TAF4B: variants seen among roughly 807,000 people sequenced by gnomAD.
TAF4B encodes TATA-box binding protein associated factor 4b.
Under a neutral mutation model 86.4 loss-of-function variants are expected in TAF4B, and 38 were observed. That is an observed-to-expected ratio of 0.44 (90% CI 0.34 to 0.58). TAF4B has a LOEUF of 0.58. TAF4B is among the 20% of genes least tolerant of loss of function. The pLI is 0.02. For synonymous variants in TAF4B, 388 were observed against 391.2 expected (o/e 0.99, Z 0.10); for missense variants, 988 against 1,027.6 (o/e 0.96, Z 0.53).
chr18:26,267,744 T>C lies in TAF4B; in HGVS notation c.597+121T>C. On this transcript the variant is annotated intron_variant, in intron 3 of 14. Coordinates refer to ENST00000269142, the MANE Select transcript of TAF4B (RefSeq NM_005640.3). ...CATTGAAGATAGCAATTCAGTAATATATGATGGCACTTATCAAACTGGGAA... is the reference window on the plus strand; with the variant it reads ...CATTGAAGATAGCAATTCAGTAATACATGATGGCACTTATCAAACTGGGAA... 9.0e-6 allele frequency: 6 copies of C among 668,434 alleles called. No individual in the cohort carries two copies. The South Asian group carries it at 1.1e-4, about 13-fold the overall frequency. 41.4% of individuals were successfully genotyped at this position (668,434 alleles called of 1,614,324 possible).
intron 14 of TAF4B, among the ~76,000 whole-genome samples, chr18:26,387,171 T>G (rs934114135): frequency 3.3e-5 from 5 of 152,162 alleles, no homozygotes; most frequent in African/African-American, 1.2e-4. Context: ...GTTCAAGCAG[T>G]TCTTCCACCT....
chr18:26,319,355 G>T (rs1203494487), intron 10 of TAF4B, among the ~76,000 whole-genome samples: 2 of 151,350 alleles, frequency 1.3e-5, no homozygotes. Flanking sequence ...AATCAGCCAG[G>T]TGTGGTGGCG....
intron 1 of TAF4B, among the ~76,000 whole-genome samples, chr18:26,259,226 A>T (rs1598733786): frequency 7.1e-6 from 1 of 140,876 alleles, no homozygotes; most frequent in African/African-American, 2.6e-5. Context: ...TACTAACATT[A>T]TGCCTATGTT....
At chr18:26,349,577 T>C (rs2057227778) in intron 13 of TAF4B, among the ~76,000 whole-genome samples, 2 of 152,170 alleles carry the variant, frequency 1.3e-5, no homozygotes, top group Non-Finnish European at 2.9e-5. Flanking sequence ...TGTACAAACA[T>C]CTCATGCTCA....
At chr18:26,301,145 A>G (rs1180474354) in intron 9 of TAF4B, among the ~76,000 whole-genome samples, 2 of 152,164 alleles carry the variant, frequency 1.3e-5, no homozygotes, top group Non-Finnish European at 2.9e-5. Context: ...TGATCAAACT[A>G]TTGTAGCATT....
rs1342803039 is a variant in TAF4B, at chr18:26,327,153, G to A, written c.2259+13G>A. On this transcript the variant is annotated intron_variant, in intron 12 of 14. Transcript: ENST00000269142. ...TAAGGCAGCCAAGGTAAGGGCCAGT[G>A]TGATTTATGAGTGAATGTGGCCTGG... The A allele has an allele frequency of 9.9e-6, 16 of 1,608,256 alleles. No individual in the cohort carries two copies. The highest frequency in any genetic ancestry group is 1.4e-5 in the Non-Finnish European group (16 of 1,179,090).
intron 1 of TAF4B, among the ~76,000 whole-genome samples, chr18:26,236,083 C>T (rs771150563): frequency 6.6e-6 from 1 of 152,112 alleles, no homozygotes. Context: ...TTCCAATGCC[C>T]AGACTTCAGG....
At chr18:26,258,115 G>A (rs910440124) in intron 1 of TAF4B, among the ~76,000 whole-genome samples, 6 of 152,008 alleles carry the variant, frequency 3.9e-5, no homozygotes, top group South Asian at 2.1e-4. Flanking sequence ...TTAGCTGGGC[G>A]TGGTGGCATG....
chr18:26,375,129 A>G (rs2057434102), intron 14 of TAF4B, among the ~76,000 whole-genome samples: 1 of 152,146 alleles, frequency 6.6e-6, no homozygotes, highest in African/African-American at 2.4e-5. Context: ...GTCTGTAAGG[A>G]TTCACCTATT....
chr18:26,248,885 G>A (rs1162110335), intron 1 of TAF4B, among the ~76,000 whole-genome samples: 1 of 147,398 alleles, frequency 6.8e-6, no homozygotes, highest in Non-Finnish European at 1.5e-5. Context: ...TAAAAAAGGG[G>A]AACCTAGGCT....
At chr18:26,283,707 CTA>C (rs2056476782) in intron 6 of TAF4B, among the ~76,000 whole-genome samples, 1 of 152,178 alleles carries the variant, frequency 6.6e-6, no homozygotes, top group Non-Finnish European at 1.5e-5. Context: ...CAGCCAAAAG[CTA>C]TGAAAGACCT....
At chr18:26,329,450 A>G (rs1305893648) in intron 12 of TAF4B, among the ~76,000 whole-genome samples, 2 of 152,212 alleles carry the variant, frequency 1.3e-5, no homozygotes, top group Non-Finnish European at 2.9e-5. Context: ...CATCTAATGC[A>G]CAGCACCCAT....
At chr18:26,317,026 ATT>A (rs34772122) in intron 10 of TAF4B, among the ~76,000 whole-genome samples, 241 of 117,102 alleles carry the variant, frequency 2.1e-3, no homozygotes, top group East Asian at 0.019. Context: ...CTCCCTTCCG[ATT>A]TTTTTTTTTT....
chr18:26,380,809 T>TA (rs1395886908), intron 14 of TAF4B, among the ~76,000 whole-genome samples: 1 of 152,072 alleles, frequency 6.6e-6, no homozygotes, highest in Non-Finnish European at 1.5e-5. Context: ...TTTTTTTTTT[T>TA]ACCAGAATGA....
At chr18:26,344,579 G>A (rs2057161523) in intron 13 of TAF4B, among the ~76,000 whole-genome samples, 1 of 152,202 alleles carries the variant, frequency 6.6e-6, no homozygotes, top group South Asian at 2.1e-4. Context: ...AATGAAGTCA[G>A]ATGACACCAA....
At chr18:26,260,662 TC>T in intron 1 of TAF4B, among the ~76,000 whole-genome samples, 1 of 152,354 alleles carries the variant, frequency 6.6e-6, no homozygotes, top group South Asian at 2.1e-4. Flanking sequence ...TTCTTTTTGT[TC>T]TTTGGATTAC....
intron 13 of TAF4B, among the ~76,000 whole-genome samples, chr18:26,356,188 G>C (rs1382289031): frequency 6.6e-6 from 1 of 152,044 alleles, no homozygotes. Context: ...TCACTTGGTG[G>C]AAGGGGCGAG....
intron 1 of TAF4B, among the ~76,000 whole-genome samples, chr18:26,236,257 A>G (rs1202106983): frequency 6.6e-6 from 1 of 152,174 alleles, no homozygotes; most frequent in African/African-American, 2.4e-5. Flanking sequence ...ATTACAACTG[A>G]GAAGGTGGGA....
At chr18:26,325,555 TGGG>T (rs1389727974) in intron 11 of TAF4B, among the ~76,000 whole-genome samples, 2 of 152,130 alleles carry the variant, frequency 1.3e-5, no homozygotes, top group Non-Finnish European at 1.5e-5. Flanking sequence ...GTATATGAGT[TGGG>T]GGAGAGAGAG....
Sources: allele counts gnomAD v4.1 joint callset (sites outside exome capture counted in the v4.1 genomes callset), GRCh38; gene constraint gnomAD v4.1.1; transcripts MANE v1.5; gene names NCBI Gene and HGNC (gene_info 2026-07-23, HGNC 2026-07-21).